Variants in LHFPL6 observed in about 807,000 individuals in gnomAD.
LHFPL6 encodes the protein LHFPL tetraspan subfamily member 6.
In LHFPL6, 9 loss-of-function variants were observed where a neutral mutation model predicts 20.6. The observed-to-expected ratio is 0.44, with a 90% CI of 0.26 to 0.76. The LOEUF is 0.76. Among genes scored for constraint, LHFPL6 ranks in the 30% least tolerant of loss-of-function variants. The pLI is 0.20. For synonymous variants in LHFPL6, 105 were observed against 98.7 expected (o/e 1.06, Z -0.38); for missense variants, 218 against 253.5 (o/e 0.86, Z 0.95).
At position 39,539,242 on chromosome 13, in the gene LHFPL6, T is replaced by C. The variant is rs543099602; in HGVS notation, c.385+61590A>G. 2.0e-5 allele frequency among the ~76,000 whole-genome samples: 3 copies of C among 152,218 alleles called. No homozygotes were observed. In the South Asian group the frequency reaches 6.2e-4, roughly 32 times the overall value. On this transcript the variant is annotated intron_variant, in intron 2 of 3. Transcript: ENST00000379589. ...ATTTCGAAAAGCAGGAACATATGGTTTCATATTATCTGCCAAGTGTTTTCT... is the reference window on the plus strand; with the variant it reads ...ATTTCGAAAAGCAGGAACATATGGTCTCATATTATCTGCCAAGTGTTTTCT...
intron 2 of LHFPL6, among the ~76,000 whole-genome samples, chr13:39,446,344 G>T (rs1040682159): frequency 6.6e-6 from 1 of 152,154 alleles, no homozygotes; most frequent in Non-Finnish European, 1.5e-5. Context: ...TAGTTGAAAG[G>T]TGCTATGAAA....
intron 2 of LHFPL6, among the ~76,000 whole-genome samples, chr13:39,437,652 C>T (rs1871998527): frequency 6.6e-6 from 1 of 152,084 alleles, no homozygotes; most frequent in Non-Finnish European, 1.5e-5. Context: ...GCCTGTAATC[C>T]CAGCACTATG....
chr13:39,461,060 T>A (rs1466155558), intron 2 of LHFPL6, among the ~76,000 whole-genome samples: 2 of 152,218 alleles, frequency 1.3e-5, no homozygotes, highest in African/African-American at 4.8e-5. Context: ...AATGTTTAGC[T>A]CTCATTTAGA....
intron 2 of LHFPL6, among the ~76,000 whole-genome samples, chr13:39,528,542 T>C (rs528599892): frequency 1.1e-4 from 17 of 152,186 alleles, no homozygotes; most frequent in African/African-American, 4.1e-4. Context: ...AATAGGCCAG[T>C]GTCCCTGTGA....
intron 3 of LHFPL6, among the ~76,000 whole-genome samples, chr13:39,346,614 T>C (rs559323716): frequency 1.2e-4 from 18 of 152,100 alleles, no homozygotes; most frequent in Non-Finnish European, 1.0e-4. Flanking sequence ...TCCTGCCCCT[T>C]CTCAAACGCC....
At chr13:39,415,380 TGTGCATGTGTATGCAC>T in intron 2 of LHFPL6, among the ~76,000 whole-genome samples, 1 of 152,158 alleles carries the variant, frequency 6.6e-6, no homozygotes, top group African/African-American at 2.4e-5. Flanking sequence ...AACAAATTTT[TGTGCATGTGTATGCAC>T]ATGCATGTGT....
At chr13:39,395,291 T>C (rs1442564723) in intron 2 of LHFPL6, among the ~76,000 whole-genome samples, 1 of 152,240 alleles carries the variant, frequency 6.6e-6, no homozygotes, top group Non-Finnish European at 1.5e-5. Context: ...CTCCCTTTCA[T>C]TGCTGTTTCT....
At position 39,562,425 on chromosome 13, in the gene LHFPL6, T is replaced by TATAC. The variant is rs1871527499; in HGVS notation, c.385+38406_385+38407insGTAT. On this transcript the variant is annotated intron_variant, in intron 2 of 3. Transcript: ENST00000379589. ...ATATATACACATATACACATATACATATATACATATATACATATATACACA... is the reference window on the plus strand; with the variant it reads ...ATATATACACATATACACATATACATATACATATACATATATACATATATACACA... Among the ~76,000 whole-genome samples the TATAC allele has an allele frequency of 1.3e-3, 127 of 99,024 alleles. 2 individuals are homozygous for TATAC. The highest frequency in any genetic ancestry group is 5.3e-3 in the Admixed American group (49 of 9,236). The allele number at this position is 99,024 out of a possible 152,430, so 65.0% of individuals were successfully genotyped here.
At chr13:39,397,928 T>TGTG (rs1566102191) in intron 2 of LHFPL6, among the ~76,000 whole-genome samples, 14 of 148,490 alleles carry the variant, frequency 9.4e-5, no homozygotes, top group African/African-American at 3.2e-4. Flanking sequence ...GTGTGTGTGT[T>TGTG]TGTGTGCATT....
At chr13:39,600,719 T>C in intron 2 of LHFPL6, 113 bp downstream of exon 2, 1 of 1,114,468 alleles carries the variant, frequency 9.0e-7, no homozygotes, top group Non-Finnish European at 1.2e-6. Context: ...CAAATCTATT[T>C]CTCTTATGCA....
chr13:39,478,751 G>A (rs1414529441), intron 2 of LHFPL6, among the ~76,000 whole-genome samples: 1 of 152,052 alleles, frequency 6.6e-6, no homozygotes, highest in African/African-American at 2.4e-5. Flanking sequence ...TGCATGAGCT[G>A]GAATATTGGC....
intron 2 of LHFPL6, among the ~76,000 whole-genome samples, chr13:39,439,067 C>A (rs953220146): frequency 6.6e-6 from 1 of 152,284 alleles, no homozygotes; most frequent in Non-Finnish European, 1.5e-5. Flanking sequence ...ACAGCTTGCA[C>A]CATGTGCCTG....
chr13:39,453,116 GA>G (rs1250253017), intron 2 of LHFPL6, among the ~76,000 whole-genome samples: 2 of 152,172 alleles, frequency 1.3e-5, no homozygotes, highest in African/African-American at 4.8e-5. Context: ...GAAGAACACA[GA>G]AGGCCGTTCT....
intron 2 of LHFPL6, among the ~76,000 whole-genome samples, chr13:39,563,606 C>G (rs1184656478): frequency 6.6e-6 from 1 of 152,118 alleles, no homozygotes; most frequent in Non-Finnish European, 1.5e-5. Context: ...GCCTTCTTGG[C>G]TAATAAGAAT....
At chr13:39,453,947 G>GT (rs1285193907) in intron 2 of LHFPL6, among the ~76,000 whole-genome samples, 1 of 152,208 alleles carries the variant, frequency 6.6e-6, no homozygotes, top group Non-Finnish European at 1.5e-5. Flanking sequence ...AGGCTCAGGG[G>GT]TTTTGAGTGT....
chr13:39,401,063 T>C (rs1593298690), intron 2 of LHFPL6, among the ~76,000 whole-genome samples: 1 of 152,210 alleles, frequency 6.6e-6, no homozygotes, highest in Non-Finnish European at 1.5e-5. Context: ...ATAGAGCTTA[T>C]GTGACATTAA....
At chr13:39,573,634 G>C (rs899650083) in intron 2 of LHFPL6, among the ~76,000 whole-genome samples, 1 of 151,844 alleles carries the variant, frequency 6.6e-6, no homozygotes, top group Non-Finnish European at 1.5e-5. Context: ...AACATCACAA[G>C]TTTTTTAATT....
intron 2 of LHFPL6, among the ~76,000 whole-genome samples, chr13:39,383,835 T>C (rs115765925): frequency 0.017 from 2,542 of 152,340 alleles, 72 homozygotes; most frequent in African/African-American, 0.058. Context: ...GGGGCAAGCC[T>C]TTCTGCAGAC....
chr13:39,428,421 C>CT lies in LHFPL6; in HGVS notation c.386-49896dup, dbSNP rs199663487. 7.8e-3 allele frequency among the ~76,000 whole-genome samples: 1,184 copies of CT among 152,022 alleles called. 11 individuals are homozygous for CT. The highest frequency in any genetic ancestry group is 0.013 in the Non-Finnish European group (860 of 67,940). On this transcript the variant is annotated intron_variant, in intron 2 of 3. Transcript: ENST00000379589. Reference sequence around the variant, plus strand: ...TAGAATTACTGATATTTTCTGTTTCCTTTTGTTGTTTGTGTTTTTCAAGGA... The same window carrying CT: ...TAGAATTACTGATATTTTCTGTTTCCTTTTTGTTGTTTGTGTTTTTCAAGGA...
Sources: allele counts gnomAD v4.1 joint callset (sites outside exome capture counted in the v4.1 genomes callset), GRCh38; gene constraint gnomAD v4.1.1; transcripts MANE v1.5; gene names NCBI Gene and HGNC (gene_info 2026-07-23, HGNC 2026-07-21).